The following POLN variants were observed in gnomAD, a reference collection of about 807,000 sequenced individuals.
The protein encoded by POLN is DNA polymerase nu.
POLN carries 108 observed loss-of-function variants against 113.5 expected under a neutral mutation model. The ratio of observed to expected loss-of-function variants is 0.95; its 90% confidence interval spans 0.81 to 1.12. The LOEUF (loss-of-function observed/expected upper bound fraction) is 1.12, where lower values mean the gene tolerates loss of function less well. POLN is among the 50% of genes most tolerant of loss of function. The pLI is 0.00. For synonymous variants in POLN, 386 were observed against 391.5 expected, an observed-to-expected ratio of 0.99 and a Z score of 0.17; for missense variants, 1,097 against 1,077.1, an observed-to-expected ratio of 1.02 and a Z score of -0.26.
At chr4:2,163,673 C>G (rs1732657296) in intron 13 of POLN, among the ~76,000 whole-genome samples, 7 of 152,216 alleles carry the variant, frequency 4.6e-5, no homozygotes, top group Admixed American at 4.6e-4. Flanking sequence ...CAAAAGCAGG[C>G]CCATGACTAG....
chr4:2,172,748 AT>A (rs1732894726), intron 11 of POLN, among the ~76,000 whole-genome samples: 1 of 152,184 alleles, frequency 6.6e-6, no homozygotes, highest in South Asian at 2.1e-4. Context: ...CTGGGAAGCC[AT>A]TGGGCATTAT....
At chr4:2,180,099 G>T (rs1311045796) in intron 7 of POLN, among the ~76,000 whole-genome samples, 1 of 152,188 alleles carries the variant, frequency 6.6e-6, no homozygotes, top group Non-Finnish European at 1.5e-5. Flanking sequence ...ACCAGGCCTG[G>T]ATTCTGAATC....
At chr4:2,159,247 T>C in intron 13 of POLN, 36 bp from the exon 14 acceptor site, 2 of 1,513,074 alleles carry the variant, frequency 1.3e-6, no homozygotes, top group East Asian at 2.3e-5. Flanking sequence ...ATGTAATTCG[T>C]CCATTTTAAC....
intron 23 of POLN, among the ~76,000 whole-genome samples, chr4:2,077,949 G>C (rs1730314354): frequency 6.6e-6 from 1 of 152,236 alleles, no homozygotes; most frequent in African/African-American, 2.4e-5. Context: ...CCCTGTTCCT[G>C]AGAGGGGTCG....
At chr4:2,158,391 A>G (rs952871351) in intron 14 of POLN, among the ~76,000 whole-genome samples, 1 of 152,248 alleles carries the variant, frequency 6.6e-6, no homozygotes, top group Non-Finnish European at 1.5e-5. Flanking sequence ...ACCCACAGAG[A>G]AAGATGTCAT....
At chr4:2,158,861 G>A (rs972970741) in intron 14 of POLN, among the ~76,000 whole-genome samples, 2 of 152,282 alleles carry the variant, frequency 1.3e-5, no homozygotes, top group Middle Eastern at 3.4e-3. Flanking sequence ...ACTGCTGGGC[G>A]TCTCCTGCAC....
intron 13 of POLN, among the ~76,000 whole-genome samples, chr4:2,167,038 C>CT (rs1429255209): frequency 3.3e-5 from 5 of 152,142 alleles, no homozygotes; most frequent in Admixed American, 6.5e-5. Context: ...TGATAAAGAC[C>CT]TTTTCCCCAC....
At chr4:2,142,172 C>T (rs1252650599) in intron 16 of POLN, among the ~76,000 whole-genome samples, 1 of 152,176 alleles carries the variant, frequency 6.6e-6, no homozygotes, top group Non-Finnish European at 1.5e-5. Flanking sequence ...CAAAACAAAA[C>T]ACTTTTTGAT....
intron 6 of POLN, among the ~76,000 whole-genome samples, chr4:2,196,917 C>T (rs1025886473): frequency 5.9e-5 from 9 of 152,114 alleles, no homozygotes; most frequent in Admixed American, 5.9e-4. Flanking sequence ...GATGGTGGCA[C>T]CAGGCCCTTG....
At chr4:2,117,315 G>A (rs1224326460) in intron 19 of POLN, among the ~76,000 whole-genome samples, 2 of 152,192 alleles carry the variant, frequency 1.3e-5, no homozygotes, top group African/African-American at 4.8e-5. Flanking sequence ...CTTCATTTAG[G>A]GAGGGGTAAT....
At chr4:2,206,074 T>C (rs1219221626) in intron 5 of POLN, among the ~76,000 whole-genome samples, 1 of 151,964 alleles carries the variant, frequency 6.6e-6, no homozygotes, top group Non-Finnish European at 1.5e-5. Context: ...TTGAACCAAA[T>C]AGAGAAACCA....
intron 19 of POLN, among the ~76,000 whole-genome samples, chr4:2,104,655 T>A (rs1260952136): frequency 6.6e-6 from 1 of 152,192 alleles, no homozygotes; most frequent in African/African-American, 2.4e-5. Context: ...CTGAGCAACA[T>A]GGGCCTATGC....
chr4:2,129,701 A>G (rs1048140378), intron 17 of POLN, among the ~76,000 whole-genome samples: 2 of 152,208 alleles, frequency 1.3e-5, no homozygotes, highest in African/African-American at 4.8e-5. Context: ...TATTAATGTA[A>G]TTTAAAAATA....
chr4:2,073,928 G>A (rs976458673), intron 24 of POLN, among the ~76,000 whole-genome samples: 1 of 152,212 alleles, frequency 6.6e-6, no homozygotes, highest in Non-Finnish European at 1.5e-5. Context: ...GGAGCTGTCG[G>A]CCAGCAGGTG....
At position 2,238,900 on chromosome 4, in the gene POLN, C is replaced by T. The variant is rs765867999; in HGVS notation, c.-13+2620G>A. ...TCTGCAGATCAAAATCTCCCTTTACCACTGGCATATTCAATAACTGGGCAT... is the reference window on the plus strand; with the variant it reads ...TCTGCAGATCAAAATCTCCCTTTACTACTGGCATATTCAATAACTGGGCAT... On this transcript the variant is annotated intron_variant, in intron 2 of 25. Coordinates refer to ENST00000511885, the MANE Select transcript of POLN (RefSeq NM_181808.4). 22 of 1,612,916 alleles carry T rather than the reference C, an allele frequency of 1.4e-5. No homozygotes were observed. The South Asian group carries it at 2.1e-4, about 15-fold the overall frequency.
Position 2,236,599 on chromosome 4 carries a change from C to T in POLN, c.-13+4921G>A, listed in dbSNP as rs1010063146. 2.5e-5 allele frequency: 16 copies of T among 632,870 alleles called. No homozygotes were observed. The Admixed American group carries it at 2.8e-4, about 11-fold the overall frequency. 39.2% of individuals were successfully genotyped at this position (632,870 alleles called of 1,614,324 possible). ...ATTGGCCGGGTACAGTAGCTCACGC[C>T]TGTAATCCTAGCACTTTGGGAGGCC... is the stretch of plus-strand genomic sequence containing the variant. On this transcript the variant is annotated intron_variant, in intron 2 of 25. Coordinates refer to ENST00000511885, the MANE Select transcript of POLN (RefSeq NM_181808.4).
intron 3 of POLN, among the ~76,000 whole-genome samples, chr4:2,217,404 A>G (rs1034155517): frequency 6.6e-6 from 1 of 152,146 alleles, no homozygotes; most frequent in Non-Finnish European, 1.5e-5. Context: ...CAGTGCCAGC[A>G]CCAATGATGT....
chr4:2,079,283 G>C (rs1339130015), intron 23 of POLN: 1 of 455,604 alleles, frequency 2.2e-6, no homozygotes, highest in African/African-American at 2.1e-5. Flanking sequence ...CCACCATTTG[G>C]CTTTCAGTTC....
At chr4:2,109,324 T>C (rs1731139270) in intron 19 of POLN, among the ~76,000 whole-genome samples, 1 of 152,234 alleles carries the variant, frequency 6.6e-6, no homozygotes, top group African/African-American at 2.4e-5. Context: ...TGGTAATCAA[T>C]GTTTAACAAT....
Sources: gnomAD v4.1 joint callset for allele counts (sites outside exome capture counted in the v4.1 genomes callset) on GRCh38, gnomAD v4.1.1 for gene constraint, MANE v1.5 for transcripts, NCBI Gene and HGNC (gene_info 2026-07-23, HGNC 2026-07-21) for gene names.